Variants in SERPINB5 observed in about 807,000 individuals in gnomAD.
The protein encoded by SERPINB5 is serpin family B member 5.
Under a neutral mutation model 32.2 loss-of-function variants are expected in SERPINB5, and 27 were observed. That is an observed-to-expected ratio of 0.84 (90% CI 0.62 to 1.16). The LOEUF (loss-of-function observed/expected upper bound fraction) is 1.16. SERPINB5 is among the 50% of genes most tolerant of loss of function. The probability of loss-of-function intolerance (pLI) is 0.00; values close to 1 mark genes in which losing one functional copy is unlikely to be tolerated. For synonymous variants in SERPINB5, 154 were observed against 157.4 expected (o/e 0.98, Z 0.16); for missense variants, 388 against 436.3 (o/e 0.89, Z 0.99).
intron 1 of SERPINB5, among the ~76,000 whole-genome samples, chr18:63,478,551 C>T (rs1173801095): frequency 2.0e-5 from 3 of 152,120 alleles, no homozygotes; most frequent in African/African-American, 7.2e-5. Context: ...TCCTTTGCTC[C>T]TCAAAGACTT....
At chr18:63,486,848 CT>C in intron 2 of SERPINB5, 97 bp from the exon 3 acceptor site, 1 of 1,264,804 alleles carries the variant, frequency 7.9e-7, no homozygotes, top group East Asian at 2.3e-5. Context: ...CAGGAGGAGT[CT>C]GTATGCCCAA....
chr18:63,499,010 T>G, intron 5 of SERPINB5, 110 bp from the exon 6 acceptor site: 4 of 486,990 alleles, frequency 8.2e-6, no homozygotes, highest in Non-Finnish European at 9.8e-6. Flanking sequence ...TATATATACA[T>G]GTGGGTATAT....
At chr18:63,486,843 G>A in intron 2 of SERPINB5, 103 bp from the exon 3 acceptor site, 1 of 1,165,048 alleles carries the variant, frequency 8.6e-7, no homozygotes, top group Non-Finnish European at 1.2e-6. Flanking sequence ...CTAGGCAGGA[G>A]GAGTCTGTAT....
intron 5 of SERPINB5, chr18:63,497,488 A>C: frequency 2.5e-6 from 1 of 405,736 alleles, no homozygotes; most frequent in Admixed American, 3.8e-5. Flanking sequence ...ACCATTGAAC[A>C]CAACGTTTCT....
rs534984961 is a variant in SERPINB5 at position 63,501,392 on chromosome 18, C to T, written c.736-1938C>T. On this transcript the variant is annotated intron_variant, in intron 6 of 6. Transcript: ENST00000382771. ...ACGAACTCATCATTTTTTATGGCTG[C>T]ATAGTATTCCATGGTGTATATGGGC... is the stretch of plus-strand genomic sequence containing the variant. Among the ~76,000 whole-genome samples the T allele has an allele frequency of 2.0e-5, 3 of 152,092 alleles. No homozygotes were observed. The East Asian group carries it at 5.8e-4, about 29-fold the overall frequency.
intron 5 of SERPINB5, among the ~76,000 whole-genome samples, chr18:63,494,220 G>A (rs947428471): frequency 3.1e-4 from 46 of 150,588 alleles, no homozygotes; most frequent in African/African-American, 1.1e-3. Context: ...TGCTCAGGAG[G>A]CTGAGACAGG....
In SERPINB5 at chr18:63,498,856, A is replaced by AGT. The variant is rs55681935; in HGVS notation, c.568-259_568-258dup. On this transcript the variant is annotated intron_variant, in intron 5 of 6. Coordinates refer to ENST00000382771, the MANE Select transcript of SERPINB5 (RefSeq NM_002639.5). This position sits in a 1 kb window ranked among gnomAD's most constrained non-coding sequence, Gnocchi z 4.2. Reference sequence around the variant, plus strand: ...TATATATATATAGTATGTATATATAAGTGTGTATATATAGGTGTGTGTATA... The same window carrying AGT: ...TATATATATATAGTATGTATATATAAGTGTGTGTATATATAGGTGTGTGTATA... Among the ~76,000 whole-genome samples, 81,070 of 149,346 alleles carry AGT rather than the reference A, an allele frequency of 0.54. 22,691 individuals carry two copies. Among genetic ancestry groups the AGT allele is most frequent in the Non-Finnish European group, 0.63 (42,290 of 67,454 alleles).
intron 6 of SERPINB5, 114 bp from the exon 7 acceptor site, chr18:63,503,216 C>T: frequency 8.3e-7 from 1 of 1,199,530 alleles, no homozygotes; most frequent in Non-Finnish European, 1.1e-6. Context: ...TTTGATGTTC[C>T]ACCCAGACTG....
chr18:63,484,495 G>C lies in SERPINB5; in HGVS notation c.67G>C (p.Glu23Gln), dbSNP rs1489676566. Residue 23 changes from glutamate (E) to glutamine (Q), a missense_variant, in exon 2 of 7, where the codon GAG (glutamate) becomes CAG (glutamine). Physicochemically the swap from Glu to Gln is conservative, Grantham distance 29. Transcript: ENST00000382771. ...TCTGTTCAAACAACTATGTGAAAAG[G>C]AGCCACTGGGCAATGTCCTCTTCTC... ...VDLFKQLCEK[E>Q]PLGNVLFSPI... is the part of the protein sequence containing the mutation. 22 of 1,614,024 alleles carry C rather than the reference G, an allele frequency of 1.4e-5. No individual in the cohort carries two copies. Among genetic ancestry groups the C allele is most frequent in the Non-Finnish European group, 1.7e-5 (20 of 1,180,030 alleles).
rs537504148 is a variant in SERPINB5, at chr18:63,501,856, CTG to C, written c.736-1472_736-1471del. 1.4e-4 allele frequency among the ~76,000 whole-genome samples: 21 copies of C among 152,322 alleles called. No homozygotes were observed. The South Asian group carries it at 4.1e-3, about 30-fold the overall frequency. ...ATAAATGTCTTCTTTTGAGAAGTGT[CTG>C]TTCACATCCTTTGCCCACTTGTTGA... On this transcript the variant is annotated intron_variant, in intron 6 of 6. Transcript: ENST00000382771.
chr18:63,501,909 A>C (rs1909578209), intron 6 of SERPINB5, among the ~76,000 whole-genome samples: 1 of 151,948 alleles, frequency 6.6e-6, no homozygotes, highest in African/African-American at 2.4e-5. Flanking sequence ...TTTTCTTGTA[A>C]ATTTGTTTGA....
rs760100708 is a variant in SERPINB5, at chr18:63,484,434, T to C, written c.6T>C (p.Asp2=). 5.0e-6 allele frequency: 8 copies of C among 1,612,052 alleles called. No homozygotes were observed. In the South Asian group the frequency reaches 8.8e-5, roughly 18 times the overall value. ...TCCTTGCTTCCAGGCCCGCAATGGATGCCCTGCAACTAGCAAATTCGGCTT... is the reference window on the plus strand; with the variant it reads ...TCCTTGCTTCCAGGCCCGCAATGGACGCCCTGCAACTAGCAAATTCGGCTT... M[D]ALQLANSAFA... is the part of the protein sequence containing the mutation. Residue 2 remains aspartate, a synonymous_variant, in exon 2 of 7, where the codon GAT becomes GAC. Transcript: ENST00000382771.
intron 4 of SERPINB5, among the ~76,000 whole-genome samples, chr18:63,490,888 C>CTAAGCTACATGG (rs1216278019): frequency 1.3e-5 from 2 of 152,126 alleles, no homozygotes; most frequent in African/African-American, 4.8e-5. Flanking sequence ...TGGATAAGCT[C>CTAAGCTACATGG]TTTAGTGGTT....
At chr18:63,493,676 T>C (rs1909387317) in intron 5 of SERPINB5, 1 of 155,814 alleles carries the variant, frequency 6.4e-6, no homozygotes, top group East Asian at 1.9e-4. Context: ...CTGGCCAACA[T>C]GGTGAAACCC....
intron 6 of SERPINB5, among the ~76,000 whole-genome samples, chr18:63,500,814 C>A (rs964798651): frequency 1.3e-5 from 2 of 152,142 alleles, no homozygotes; most frequent in Non-Finnish European, 2.9e-5. Flanking sequence ...CCAGCTTGCT[C>A]CTTTGGTTGC....
intron 4 of SERPINB5, among the ~76,000 whole-genome samples, chr18:63,491,409 A>ACCCCCC (rs1413026726): frequency 7.1e-6 from 1 of 140,586 alleles, no homozygotes; most frequent in Non-Finnish European, 1.5e-5. Flanking sequence ...TCTCCCAAAA[A>ACCCCCC]AAAAAAAAAA....
intron 1 of SERPINB5, among the ~76,000 whole-genome samples, chr18:63,481,681 G>C (rs1448546888): frequency 6.6e-6 from 1 of 152,220 alleles, no homozygotes; most frequent in African/African-American, 2.4e-5. Context: ...AAGGAAGCCA[G>C]GTTTCCTATT....
chr18:63,478,758 GTT>G (rs10669993), intron 1 of SERPINB5, among the ~76,000 whole-genome samples: 4 of 135,378 alleles, frequency 3.0e-5, no homozygotes, highest in African/African-American at 8.5e-5. Context: ...TAAAAACGTA[GTT>G]TTTTTTTTTT....
intron 4 of SERPINB5, among the ~76,000 whole-genome samples, chr18:63,491,461 G>A (rs556194199): frequency 6.9e-6 from 1 of 144,188 alleles, no homozygotes; most frequent in East Asian, 2.0e-4. Context: ...CTAGGTTGCT[G>A]TGAATGCCAT....
Sources: allele counts gnomAD v4.1 joint callset (sites outside exome capture counted in the v4.1 genomes callset), GRCh38; gene constraint gnomAD v4.1.1; non-coding constraint Gnocchi (gnomAD v3.1); transcripts MANE v1.5; gene names NCBI Gene and HGNC (gene_info 2026-07-23, HGNC 2026-07-21).